Variants in OTULINL observed in about 807,000 individuals in gnomAD.
OTULINL encodes inactive ubiquitin thioesterase OTULINL.
A neutral mutation model predicts 43.9 loss-of-function variants in OTULINL; 42 were observed. That is an observed-to-expected ratio of 0.96 (90% confidence interval 0.75 to 1.24). The LOEUF (loss-of-function observed/expected upper bound fraction) is 1.24. Among genes scored for constraint, OTULINL ranks in the 50% most tolerant of loss-of-function variants. The probability of loss-of-function intolerance (pLI) is 0.00; values close to 1 mark genes in which losing one functional copy is unlikely to be tolerated. For missense variants in OTULINL, 411 were observed against 426.4 expected, an observed-to-expected ratio of 0.96 and a Z score of 0.32; for synonymous variants, 172 against 153.6, an observed-to-expected ratio of 1.12 and a Z score of -0.88.
intron 1 of OTULINL, among the ~76,000 whole-genome samples, chr5:14,592,425 C>A (rs552969176): frequency 5.9e-5 from 9 of 152,310 alleles, no homozygotes; most frequent in African/African-American, 2.2e-4. Context: ...TACATCAAAA[C>A]CTGGGTGTTC....
At position 14,602,294 on chromosome 5, in the gene OTULINL, T is replaced by C. The variant is rs116666867; in HGVS notation, c.460T>C (p.Ser154Pro). The C allele has an allele frequency of 3.8e-5, 62 of 1,613,952 alleles. No individual in the cohort carries two copies. In the East Asian group the frequency reaches 1.3e-3, roughly 35 times the overall value. Residue 154 changes from serine (S) to proline (P), a missense_variant, in exon 5 of 8, where the codon TCT becomes CCT. Physicochemically the swap from Ser to Pro is moderately conservative, Grantham distance 74 (BLOSUM62 -1). Coordinates refer to ENST00000274217, the MANE Select transcript of OTULINL (RefSeq NM_019018.3). ...VLFQIFSQGI[S>P]FPSWMKEKDI... Reference sequence around the variant, plus strand: ...ATTTCAGATATTCAGCCAGGGCATCTCTTTTCCATCATGGATGAAAGAAAA... The same window carrying C: ...ATTTCAGATATTCAGCCAGGGCATCCCTTTTCCATCATGGATGAAAGAAAA...
intron 1 of OTULINL, among the ~76,000 whole-genome samples, 199 bp downstream of exon 1, chr5:14,582,157 G>C (rs1013294069): frequency 6.6e-6 from 1 of 152,110 alleles, no homozygotes; most frequent in Non-Finnish European, 1.5e-5. Context: ...CCCCCACTCG[G>C]GGTCGAGCCG....
At chr5:14,600,877 C>T in intron 1 of OTULINL, 88 bp from the exon 2 acceptor site, 1 of 1,106,812 alleles carries the variant, frequency 9.0e-7, no homozygotes, top group Non-Finnish European at 1.2e-6. Flanking sequence ...TAAAATTATG[C>T]AATCTCTCTC....
At position 14,610,418 on chromosome 5, in the gene OTULINL, A is replaced by G; in HGVS notation, c.*104A>G. On this transcript the variant is annotated 3_prime_UTR_variant, in exon 8 of 8. Transcript: ENST00000274217. ...CTAGCATTTCAGCATGGAAGGAATT[A>G]GGACCTTTTCTTCAGGATTACAGGT... 1 of 1,235,546 alleles carries G rather than the reference A, an allele frequency of 8.1e-7. No individual in the cohort carries two copies. The highest frequency in any genetic ancestry group is 1.5e-5 in the African/African-American group (1 of 66,300). The allele number at this position is 1,235,546 out of a possible 1,614,324, so 76.5% of individuals were successfully genotyped here.
At chr5:14,597,757 A>G (rs1433382841) in intron 1 of OTULINL, among the ~76,000 whole-genome samples, 1 of 152,206 alleles carries the variant, frequency 6.6e-6, no homozygotes, top group Non-Finnish European at 1.5e-5. Flanking sequence ...ATCCACCTCC[A>G]GATGGTTCTC....
intron 1 of OTULINL, among the ~76,000 whole-genome samples, chr5:14,585,652 T>C (rs1759091646): frequency 6.6e-6 from 1 of 152,184 alleles, no homozygotes; most frequent in Non-Finnish European, 1.5e-5. Flanking sequence ...GGATTTTCTT[T>C]AGGGTGCTAG....
intron 1 of OTULINL, among the ~76,000 whole-genome samples, chr5:14,588,907 A>G (rs1351995404): frequency 6.6e-6 from 1 of 152,206 alleles, no homozygotes; most frequent in Non-Finnish European, 1.5e-5. Context: ...CCCAGGGACG[A>G]TGGAATGAGC....
chr5:14,602,441 T>C (rs1265985539), intron 5 of OTULINL, 109 bp downstream of exon 5: 4 of 1,016,250 alleles, frequency 3.9e-6, no homozygotes, highest in Non-Finnish European at 5.7e-6. Context: ...ATTGAAGAGA[T>C]TTTTTTGTTT....
chr5:14,610,101 C>T (rs1354798846), intron 7 of OTULINL, 40 bp from the exon 8 acceptor site: 6 of 1,573,110 alleles, frequency 3.8e-6, no homozygotes, highest in Admixed American at 1.7e-5. Flanking sequence ...CAGGAATTTG[C>T]AAGTGTGTAT....
Position 14,610,476 on chromosome 5 carries a change from C to CTT in OTULINL, c.*164_*165dup. 1.4e-6 allele frequency: 1 copy of CTT among 695,024 alleles called. No homozygotes were observed. The highest frequency in any genetic ancestry group is 4.2e-4 in the Middle Eastern group (1 of 2,388). The allele number at this position is 695,024 out of a possible 1,614,324, so 43.1% of individuals were successfully genotyped here. A position where few individuals can be genotyped will look rare whatever the true frequency, so the allele number is the denominator to read the frequency against. ...ATGCAGCCATGCATGGATGGTTTTT[C>CTT]TTTATTTTTCAGTGATTTCCTCTGA... On this transcript the variant is annotated 3_prime_UTR_variant, in exon 8 of 8. Coordinates refer to ENST00000274217, the MANE Select transcript of OTULINL (RefSeq NM_019018.3).
chr5:14,601,269 CTTTATT>C, intron 3 of OTULINL, 25 bp downstream of exon 3: 2 of 1,609,232 alleles, frequency 1.2e-6, no homozygotes, highest in Non-Finnish European at 1.7e-6. Context: ...TCATTTATTT[CTTTATT>C]TTTAAGGTGC....
Position 14,616,009 on chromosome 5 carries a change from G to A in OTULINL, c.*5695G>A, listed in dbSNP as rs1177829420. On this transcript the variant is annotated 3_prime_UTR_variant, in exon 8 of 8. Transcript: ENST00000274217. ...AACAGTGCTTTTTAAACTATCCATG[G>A]TAAAGGATGAGTTTTAAAAATTCTA... Among the ~76,000 whole-genome samples, 2 of 152,258 alleles carry A rather than the reference G, an allele frequency of 1.3e-5. No individual in the cohort carries two copies. The highest frequency in any genetic ancestry group is 6.8e-3 in the Middle Eastern group (2 of 294).
chr5:14,583,634 T>A (rs1281371857), intron 1 of OTULINL, among the ~76,000 whole-genome samples: 1 of 152,194 alleles, frequency 6.6e-6, no homozygotes, highest in African/African-American at 2.4e-5. Context: ...AATTGTGGGA[T>A]CTGCAGTTGG....
intron 1 of OTULINL, among the ~76,000 whole-genome samples, chr5:14,587,405 G>T (rs1433752957): frequency 2.0e-5 from 3 of 152,226 alleles, no homozygotes; most frequent in Non-Finnish European, 4.4e-5. Context: ...ACCAGTCACT[G>T]TCTAGATAGG....
Position 14,615,174 on chromosome 5 carries a change from T to C in OTULINL, c.*4860T>C, listed in dbSNP as rs369931681. 3.2e-4 allele frequency among the ~76,000 whole-genome samples: 49 copies of C among 152,340 alleles called. 2 individuals carry two copies. In the East Asian group the frequency reaches 8.9e-3, roughly 28 times the overall value. ...ACACTGGAATGCTTTAAGGATGGTT[T>C]GTGACTTTACCCCATTGTGCCTTAT... On this transcript the variant is annotated 3_prime_UTR_variant, in exon 8 of 8. Transcript: ENST00000274217.
At chr5:14,584,455 T>C (rs1759070763) in intron 1 of OTULINL, among the ~76,000 whole-genome samples, 1 of 152,212 alleles carries the variant, frequency 6.6e-6, no homozygotes, top group South Asian at 2.1e-4. Flanking sequence ...TATGTTTGTT[T>C]TGTTGTTTTT....
intron 1 of OTULINL, among the ~76,000 whole-genome samples, chr5:14,590,692 G>A (rs1759185268): frequency 6.6e-6 from 1 of 152,162 alleles, no homozygotes; most frequent in East Asian, 1.9e-4. Flanking sequence ...TGGGTGAGAG[G>A]TTATGGGTTG....
chr5:14,602,388 A>C, intron 5 of OTULINL, 56 bp downstream of exon 5: 1 of 1,523,276 alleles, frequency 6.6e-7, no homozygotes, highest in Non-Finnish European at 9.0e-7. Flanking sequence ...ACTGCAACTC[A>C]GACTCCTAGT....
chr5:14,595,258 G>A (rs1254231732), intron 1 of OTULINL, among the ~76,000 whole-genome samples: 3 of 152,188 alleles, frequency 2.0e-5, no homozygotes, highest in Non-Finnish European at 4.4e-5. Flanking sequence ...AAGTGTGGAG[G>A]TACTGATATT....
Sources: gnomAD v4.1 joint callset for allele counts (sites outside exome capture counted in the v4.1 genomes callset) on GRCh38, gnomAD v4.1.1 for gene constraint, MANE v1.5 for transcripts, NCBI Gene and HGNC (gene_info 2026-07-23, HGNC 2026-07-21) for gene names.